PEAK1: variants seen among roughly 807,000 people sequenced by gnomAD.
PEAK1 encodes inactive tyrosine-protein kinase PEAK1.
In PEAK1, 54 loss-of-function variants were observed where a neutral mutation model predicts 124.7. The ratio of observed to expected loss-of-function variants is 0.43; its 90% CI spans 0.35 to 0.54. The LOEUF (loss-of-function observed/expected upper bound fraction) is 0.54. Ranked by LOEUF, PEAK1 falls within the 20% of genes least tolerant of loss-of-function variation. The pLI is 0.01. For missense variants in PEAK1, 2,046 were observed against 2,134.5 expected (o/e 0.96, Z 0.82); for synonymous variants, 719 against 760.0 (o/e 0.95, Z 0.89).
At chr15:77,205,664 G>A (rs2058605512) in intron 6 of PEAK1, among the ~76,000 whole-genome samples, 1 of 152,080 alleles carries the variant, frequency 6.6e-6, no homozygotes. Context: ...AAAACTTTGA[G>A]TATATAGTGT....
At chr15:77,171,252 G>A (rs1005543065) in intron 7 of PEAK1, among the ~76,000 whole-genome samples, 8 of 152,116 alleles carry the variant, frequency 5.3e-5, no homozygotes, top group African/African-American at 1.7e-4. Context: ...CTTAAAAATT[G>A]AGAATCACAT....
intron 2 of PEAK1, among the ~76,000 whole-genome samples, chr15:77,307,773 A>G (rs1235830459): frequency 1.3e-5 from 2 of 152,062 alleles, no homozygotes; most frequent in East Asian, 1.9e-4. Context: ...CAATTTGGAA[A>G]GGATCTGGCA....
chr15:77,328,891 T>A (rs1380263780), intron 2 of PEAK1, among the ~76,000 whole-genome samples: 2 of 152,136 alleles, frequency 1.3e-5, no homozygotes, highest in African/African-American at 4.8e-5. Context: ...ACATGCCAAT[T>A]AGGTAAACAA....
intron 6 of PEAK1, among the ~76,000 whole-genome samples, chr15:77,250,761 G>A (rs1466187244): frequency 6.6e-6 from 1 of 152,026 alleles, no homozygotes; most frequent in Non-Finnish European, 1.5e-5. Context: ...TAGAGATGGG[G>A]TTTCACCATG....
intron 1 of PEAK1, among the ~76,000 whole-genome samples, chr15:77,399,531 C>T (rs976341744): frequency 3.3e-5 from 5 of 152,074 alleles, no homozygotes; most frequent in African/African-American, 1.2e-4. Flanking sequence ...CTACAGTGAA[C>T]TCATTTTTAA....
chr15:77,117,558 T>C (rs2051502570), intron 9 of PEAK1, among the ~76,000 whole-genome samples: 1 of 152,222 alleles, frequency 6.6e-6, no homozygotes, highest in South Asian at 2.1e-4. Flanking sequence ...AATAGATCTT[T>C]ATTTTGAGTC....
intron 6 of PEAK1, among the ~76,000 whole-genome samples, chr15:77,223,886 A>ATTTTTT (rs10719377): frequency 6.6e-5 from 8 of 121,602 alleles, no homozygotes; most frequent in Non-Finnish European, 1.2e-4. Context: ...CATTTGAGAG[A>ATTTTTT]TTTTTTTTTT....
At chr15:77,271,385 G>A (rs537918277) in intron 5 of PEAK1, among the ~76,000 whole-genome samples, 107 of 152,252 alleles carry the variant, frequency 7.0e-4, no homozygotes, top group African/African-American at 2.4e-3. Context: ...ATTCCTCAGG[G>A]ATCTAGAATT....
At chr15:77,270,549 T>G (rs1029723737) in intron 5 of PEAK1, among the ~76,000 whole-genome samples, 2 of 151,988 alleles carry the variant, frequency 1.3e-5, no homozygotes, top group African/African-American at 4.8e-5. Context: ...GAGAATAAAA[T>G]ACCTAGGAAT....
At chr15:77,238,382 G>C (rs1011915160) in intron 6 of PEAK1, among the ~76,000 whole-genome samples, 1 of 151,492 alleles carries the variant, frequency 6.6e-6, no homozygotes, top group Non-Finnish European at 1.5e-5. Flanking sequence ...CTTTTGAATT[G>C]CTAACTTCAA....
chr15:77,343,660 A>AT (rs1203490912), intron 2 of PEAK1, among the ~76,000 whole-genome samples: 1 of 151,552 alleles, frequency 6.6e-6, no homozygotes, highest in Non-Finnish European at 1.5e-5. Context: ...TAATTTTTGT[A>AT]TTTTTTATAC....
chr15:77,386,621 G>A (rs1403536844), intron 1 of PEAK1, among the ~76,000 whole-genome samples: 4 of 152,156 alleles, frequency 2.6e-5, no homozygotes, highest in African/African-American at 9.7e-5. Context: ...GAGCTCAGAA[G>A]GGATTCTGGT....
intron 1 of PEAK1, chr15:77,404,100 T>C (rs2071601794): frequency 3.0e-6 from 3 of 984,998 alleles, no homozygotes; most frequent in African/African-American, 3.5e-5. Flanking sequence ...ATATATCCAG[T>C]AGGCCTTTAG....
At chr15:77,215,187 A>G (rs1252204605) in intron 6 of PEAK1, among the ~76,000 whole-genome samples, 1 of 152,136 alleles carries the variant, frequency 6.6e-6, no homozygotes, top group African/African-American at 2.4e-5. Flanking sequence ...CTTACTGACC[A>G]TTCATATATT....
chr15:77,296,148 C>A (rs1294220380), intron 2 of PEAK1, among the ~76,000 whole-genome samples: 1 of 152,026 alleles, frequency 6.6e-6, no homozygotes, highest in Non-Finnish European at 1.5e-5. Flanking sequence ...ACTAAGAGAG[C>A]AACGTAGACA....
intron 5 of PEAK1, among the ~76,000 whole-genome samples, chr15:77,257,014 A>G (rs1377142677): frequency 1.3e-5 from 2 of 152,048 alleles, no homozygotes; most frequent in Non-Finnish European, 2.9e-5. Flanking sequence ...ACTGAGAATG[A>G]TGATTTCCAA....
chr15:77,258,640 G>T (rs1200259915), intron 5 of PEAK1, among the ~76,000 whole-genome samples: 1 of 151,900 alleles, frequency 6.6e-6, no homozygotes, highest in East Asian at 1.9e-4. Flanking sequence ...AGACAATGGG[G>T]TTTCTAGATA....
At chr15:77,215,803 G>T (rs961468219) in intron 6 of PEAK1, among the ~76,000 whole-genome samples, 10 of 152,108 alleles carry the variant, frequency 6.6e-5, no homozygotes, top group South Asian at 6.2e-4. Flanking sequence ...ATCTTTTAAA[G>T]AAATTTTTGC....
In PEAK1 at chr15:77,179,231, G is replaced by A. The variant is rs2057081467; in HGVS notation, c.2696C>T (p.Pro899Leu). ...TGATTCAGCTTCTGTTGACCTGGTA[G>A]GGCTGGTTGGCTTGGTCCAGTTGGT... ...HFTNWTKPTSPTRSTEAESVL... is the reference protein window; with the variant it reads ...HFTNWTKPTSLTRSTEAESVL... Residue 899 changes from proline to leucine, a missense_variant, in exon 7 of 10, where the codon CCT (proline) becomes CTT (leucine). Transcript: ENST00000682557. 3 of 1,614,144 alleles carry A rather than the reference G, an allele frequency of 1.9e-6. No homozygotes were observed. Among genetic ancestry groups the A allele is most frequent in the South Asian group, 2.2e-5 (2 of 91,080 alleles).
Sources: allele counts gnomAD v4.1 joint callset (sites outside exome capture counted in the v4.1 genomes callset), GRCh38; gene constraint gnomAD v4.1.1; transcripts MANE v1.5; gene names NCBI Gene and HGNC (gene_info 2026-07-23, HGNC 2026-07-21).